Variants in AGAP1 observed in about 807,000 individuals in gnomAD.
The protein encoded by AGAP1 is arf-GAP with GTPase, ANK repeat and PH domain-containing protein 1.
A neutral mutation model predicts 105.3 loss-of-function variants in AGAP1; 29 were observed. The observed-to-expected ratio is 0.28, with a 90% CI of 0.21 to 0.38. The LOEUF is 0.38. Ranked by LOEUF, AGAP1 falls within the 10% of genes least tolerant of loss-of-function variation. The probability of loss-of-function intolerance (pLI) is 1.00; values close to 1 mark genes in which losing one functional copy is unlikely to be tolerated. For missense variants in AGAP1, 998 were observed against 1,165.1 expected, an observed-to-expected ratio of 0.86 and a Z score of 2.09; for synonymous variants, 509 against 485.9, an observed-to-expected ratio of 1.05 and a Z score of -0.63.
rs1275865538 is a variant in AGAP1, at chr2:235,612,957, CCT to C, written c.164-96217_164-96216del. 1.3e-5 allele frequency among the ~76,000 whole-genome samples: 2 copies of C among 152,124 alleles called. No homozygotes were observed. Among genetic ancestry groups the C allele is most frequent in the African/African-American group, 4.8e-5 (2 of 41,412 alleles). On this transcript the variant is annotated intron_variant, in intron 1 of 17. Transcript: ENST00000304032. The surrounding 1 kb of genome is among the most constrained non-coding windows in gnomAD (Gnocchi z 4.3). ...GGATGTCCTTCTAATTTGGAGTTAA[CCT>C]CTCTTTCCCAGGTGAGGTTAGCAAA...
chr2:236,048,720 G>A (rs914951198), intron 15 of AGAP1, among the ~76,000 whole-genome samples: 1 of 152,206 alleles, frequency 6.6e-6, no homozygotes. Flanking sequence ...AGTCACACGT[G>A]CTTTTTCCCA....
chr2:235,501,128 A>T (rs952460402), intron 1 of AGAP1, among the ~76,000 whole-genome samples: 1 of 152,150 alleles, frequency 6.6e-6, no homozygotes, highest in Non-Finnish European at 1.5e-5. Flanking sequence ...ACATACATTC[A>T]GGTGCACCTG....
At chr2:235,892,676 G>A (rs1308005522) in intron 10 of AGAP1, among the ~76,000 whole-genome samples, 1 of 152,030 alleles carries the variant, frequency 6.6e-6, no homozygotes, top group African/African-American at 2.4e-5. Flanking sequence ...CCTCACATAG[G>A]ACTGCAACAT....
intron 9 of AGAP1, among the ~76,000 whole-genome samples, chr2:235,840,777 T>G (rs911968436): frequency 6.6e-6 from 1 of 151,554 alleles, no homozygotes; most frequent in African/African-American, 2.4e-5. Context: ...AGTTTTTTTT[T>G]TTTTTATAAA....
rs527336694 is a variant in AGAP1, at chr2:236,011,959, A to G, written c.1646-24602A>G. ...CAGGCAGCAGCATCCGACATAACCC[A>G]AGGTGTTATTGATGATAATAGGATT... On this transcript the variant is annotated intron_variant, in intron 13 of 17. Coordinates refer to ENST00000304032, the MANE Select transcript of AGAP1 (RefSeq NM_001037131.3). Among the ~76,000 whole-genome samples the G allele has an allele frequency of 1.1e-4, 16 of 152,132 alleles. No individual in the cohort carries two copies. In the South Asian group the frequency reaches 2.1e-3, roughly 20 times the overall value.
rs1040176326 is a variant in AGAP1, at chr2:235,739,250, C to T, written c.311-1713C>T. ...GCCAGTATCGGGGTCTGGGGGCGACCGTCTGCAGCACCGTCACATACGTGG... is the reference window on the plus strand; with the variant it reads ...GCCAGTATCGGGGTCTGGGGGCGACTGTCTGCAGCACCGTCACATACGTGG... On this transcript the variant is annotated intron_variant, in intron 3 of 17. Transcript: ENST00000304032. This position sits in a 1 kb window ranked among gnomAD's most constrained non-coding sequence, Gnocchi z 5.3. Among the ~76,000 whole-genome samples the T allele has an allele frequency of 1.2e-4, 19 of 152,112 alleles. No individual in the cohort carries two copies. Among genetic ancestry groups the T allele is most frequent in the Admixed American group, 1.3e-4 (2 of 15,280 alleles).
intron 12 of AGAP1, among the ~76,000 whole-genome samples, chr2:235,942,609 T>C (rs189534062): frequency 6.6e-6 from 1 of 151,892 alleles, no homozygotes; most frequent in East Asian, 1.9e-4. Context: ...CCCACAGAGG[T>C]TGCAGTGAGC....
rs2057868425 is a variant in AGAP1 at position 236,050,591 on chromosome 2, T to A, written c.2114+1310T>A. Among the ~76,000 whole-genome samples the A allele has an allele frequency of 6.6e-6, 1 of 152,160 alleles. No individual in the cohort carries two copies. The highest frequency in any genetic ancestry group is 1.5e-5 in the Non-Finnish European group (1 of 68,042). On this transcript the variant is annotated intron_variant, in intron 16 of 17. Coordinates refer to ENST00000304032, the MANE Select transcript of AGAP1 (RefSeq NM_001037131.3). The surrounding 1 kb of genome is among the most constrained non-coding windows in gnomAD (Gnocchi z 4.0). ...AACAAGCTTAAAAGATGAATTCATG[T>A]TTTAATATCTATTTTTTCACAGATA...
intron 1 of AGAP1, among the ~76,000 whole-genome samples, chr2:235,521,154 T>A (rs144316617): frequency 6.6e-6 from 1 of 152,364 alleles, no homozygotes; most frequent in East Asian, 1.9e-4. Flanking sequence ...CAGAATGAGT[T>A]CAACGTGCTG....
At chr2:235,568,714 G>T (rs989768899) in intron 1 of AGAP1, among the ~76,000 whole-genome samples, 1 of 152,230 alleles carries the variant, frequency 6.6e-6, no homozygotes, top group East Asian at 1.9e-4. Context: ...GAGGTCAGAA[G>T]TCCTTAAATG....
rs1442263203 is a variant in AGAP1 at position 235,734,659 on chromosome 2, A to T, written c.311-6304A>T. ...ACAGTGATGATTATTGGAGCTAAAG[A>T]CAGAGGCCACCCTTCCCAAGTGTGA... On this transcript the variant is annotated intron_variant, in intron 3 of 17. Coordinates refer to ENST00000304032, the MANE Select transcript of AGAP1 (RefSeq NM_001037131.3). This position sits in a 1 kb window ranked among gnomAD's most constrained non-coding sequence, Gnocchi z 5.3. 1.3e-5 allele frequency among the ~76,000 whole-genome samples: 2 copies of T among 152,234 alleles called. No individual in the cohort carries two copies. The highest frequency in any genetic ancestry group is 4.8e-5 in the African/African-American group (2 of 41,462).
chr2:235,987,608 TTGTTG>T (rs1559727930), intron 13 of AGAP1, among the ~76,000 whole-genome samples: 1 of 151,952 alleles, frequency 6.6e-6, no homozygotes, highest in African/African-American at 2.4e-5. Flanking sequence ...GATTAGTTCG[TTGTTG>T]CCTCTCTAGC....
At chr2:236,064,244 G>C (rs1399892249) in intron 16 of AGAP1, among the ~76,000 whole-genome samples, 1 of 152,182 alleles carries the variant, frequency 6.6e-6, no homozygotes, top group Non-Finnish European at 1.5e-5. Flanking sequence ...AGTTATGGCT[G>C]CAAATGCCTC....
intron 1 of AGAP1, among the ~76,000 whole-genome samples, chr2:235,498,451 C>T (rs1001168955): frequency 4.6e-5 from 7 of 152,154 alleles, no homozygotes; most frequent in Admixed American, 2.6e-4. Flanking sequence ...CTGGAGCCTC[C>T]GCAGCCACCA....
chr2:235,752,731 G>A lies in AGAP1; in HGVS notation c.673+2243G>A, dbSNP rs1310905627. ...TATTTATCACGGTTAACATACATGA[G>A]TTTTCCATAAATTGATGAGTGCTTC... On this transcript the variant is annotated intron_variant, in intron 6 of 17. Transcript: ENST00000304032. The surrounding 1 kb of genome is among the most constrained non-coding windows in gnomAD (Gnocchi z 4.3). 6.6e-6 allele frequency among the ~76,000 whole-genome samples: 1 copy of A among 152,190 alleles called. No individual in the cohort carries two copies. Among genetic ancestry groups the A allele is most frequent in the Non-Finnish European group, 1.5e-5 (1 of 68,036 alleles).
rs1398770753 is a variant in AGAP1, at chr2:236,056,795, G to A, written c.2114+7514G>A. On this transcript the variant is annotated intron_variant, in intron 16 of 17. Coordinates refer to ENST00000304032, the MANE Select transcript of AGAP1 (RefSeq NM_001037131.3). The surrounding 1 kb of genome is among the most constrained non-coding windows in gnomAD (Gnocchi z 4.6). ...TCCCCATTCCCAGACGTGTGCCAGGGTCACATGGGAGCGCAGGTCAGACTG... is the reference window on the plus strand; with the variant it reads ...TCCCCATTCCCAGACGTGTGCCAGGATCACATGGGAGCGCAGGTCAGACTG... Among the ~76,000 whole-genome samples the A allele has an allele frequency of 6.6e-6, 1 of 152,146 alleles. No individual in the cohort carries two copies. Among genetic ancestry groups the A allele is most frequent in the East Asian group, 1.9e-4 (1 of 5,168 alleles).
intron 9 of AGAP1, among the ~76,000 whole-genome samples, chr2:235,863,299 A>G (rs955217038): frequency 2.6e-5 from 4 of 152,234 alleles, no homozygotes; most frequent in African/African-American, 9.6e-5. Flanking sequence ...GGGCAGGTAC[A>G]TGAGAAAAAG....
At chr2:235,506,483 C>T (rs998191431) in intron 1 of AGAP1, among the ~76,000 whole-genome samples, 5 of 150,966 alleles carry the variant, frequency 3.3e-5, no homozygotes, top group East Asian at 2.0e-4. Context: ...TGCATCACTG[C>T]GCTCCACCCT....
At chr2:235,813,696 G>A (rs1056507277) in intron 9 of AGAP1, among the ~76,000 whole-genome samples, 12 of 152,220 alleles carry the variant, frequency 7.9e-5, no homozygotes, top group Admixed American at 5.9e-4. Flanking sequence ...CGGTTTGGCT[G>A]TCCACAGGCA....
Sources: gnomAD v4.1 joint callset for allele counts (sites outside exome capture counted in the v4.1 genomes callset) on GRCh38, gnomAD v4.1.1 for gene constraint, Gnocchi (gnomAD v3.1) non-coding constraint, MANE v1.5 for transcripts, NCBI Gene and HGNC (gene_info 2026-07-23, HGNC 2026-07-21) for gene names.